Variants in ENTPD4 observed in about 807,000 individuals in gnomAD.
The protein encoded by ENTPD4 is ectonucleoside triphosphate diphosphohydrolase 4.
ENTPD4 carries 60 observed loss-of-function variants against 79.1 expected under a neutral mutation model. The ratio of observed to expected loss-of-function variants is 0.76; its 90% CI spans 0.62 to 0.94. The LOEUF (loss-of-function observed/expected upper bound fraction) is 0.94, where lower values mean the gene tolerates loss of function less well. ENTPD4 is among the 40% of genes least tolerant of loss of function. ENTPD4 has a pLI of 0.00. For synonymous variants in ENTPD4, 276 were observed against 292.0 expected, an observed-to-expected ratio of 0.95 and a Z score of 0.56; for missense variants, 772 against 775.1, an observed-to-expected ratio of 1.00 and a Z score of 0.05.
chr8:23,438,293 G>A (rs1045612546), intron 9 of ENTPD4, among the ~76,000 whole-genome samples: 5 of 152,178 alleles, frequency 3.3e-5, no homozygotes, highest in African/African-American at 1.2e-4. Flanking sequence ...ATTCATCACC[G>A]ACAGTCAAGT....
intron 1 of ENTPD4, among the ~76,000 whole-genome samples, chr8:23,451,111 T>C (rs1800853409): frequency 6.7e-6 from 1 of 150,096 alleles, no homozygotes; most frequent in African/African-American, 2.5e-5. Flanking sequence ...TGCAACCTCC[T>C]CCCAGGTTAA....
At chr8:23,443,365 T>C (rs909192357) in intron 6 of ENTPD4, among the ~76,000 whole-genome samples, 2 of 152,216 alleles carry the variant, frequency 1.3e-5, no homozygotes, top group Non-Finnish European at 2.9e-5. Context: ...AATGCTGAAA[T>C]GACAGACGGC....
chr8:23,431,606 C>A lies in ENTPD4; in HGVS notation c.*1320G>T, dbSNP rs976596969. On this transcript the variant is annotated 3_prime_UTR_variant, in exon 13 of 13. Coordinates refer to ENST00000358689, the MANE Select transcript of ENTPD4 (RefSeq NM_004901.5). ...ACAGTGGTGCTGCCAGCAACAGCCT[C>A]AGTCAATGCGGTTAGGAAGAGGACT... 59 of 985,292 alleles carry A rather than the reference C, an allele frequency of 6.0e-5. No homozygotes were observed. In the Admixed American group the frequency reaches 1.1e-3, roughly 18 times the overall value. 61.0% of individuals were successfully genotyped at this position (985,292 alleles called of 1,614,324 possible). A position where few individuals can be genotyped will look rare whatever the true frequency, so the allele number is the denominator to read the frequency against.
intron 9 of ENTPD4, 127 bp from the exon 10 acceptor site, chr8:23,437,385 A>C: frequency 1.5e-6 from 1 of 664,112 alleles, no homozygotes; most frequent in South Asian, 2.1e-5. Flanking sequence ...GTGTCTGTGG[A>C]ACAGAAAAGG....
Position 23,431,761 on chromosome 8 carries a change from T to C in ENTPD4, c.*1165A>G. 1.0e-6 allele frequency: 1 copy of C among 985,404 alleles called. No individual in the cohort carries two copies. Among genetic ancestry groups the C allele is most frequent in the African/African-American group, 1.7e-5 (1 of 57,334 alleles). 61.0% of individuals were successfully genotyped at this position (985,404 alleles called of 1,614,324 possible). A position where few individuals can be genotyped will look rare whatever the true frequency, so the allele number is the denominator to read the frequency against. On this transcript the variant is annotated 3_prime_UTR_variant, in exon 13 of 13. Transcript: ENST00000358689. Reference sequence around the variant, plus strand: ...ACGATTAAGCAGAAACACTGAGGAATACTGAGCAAGAAGTGGGCATGTGCT... The same window carrying C: ...ACGATTAAGCAGAAACACTGAGGAACACTGAGCAAGAAGTGGGCATGTGCT...
rs947609879 is a variant in ENTPD4, at chr8:23,437,092, T to C, written c.1216A>G (p.Thr406Ala). The change falls in exon 10 of 13, where the codon ACA (threonine) becomes GCA (alanine). Residue 406 changes from threonine to alanine, a missense_variant. Thr to Ala is a moderately conservative substitution (Grantham distance 58). Coordinates refer to ENST00000358689, the MANE Select transcript of ENTPD4 (RefSeq NM_004901.5). ...TTGAGGGAAGTCTGGGTCTCGTTTG[T>C]TTTATTCATGAAAGGCTGGATAGTC... The part of the protein sequence containing the change: ...RETIQPFMNK[T>A]NETQTSLNGV... The C allele has an allele frequency of 6.2e-7, 1 of 1,614,244 alleles. No individual in the cohort carries two copies. The highest frequency in any genetic ancestry group is 8.5e-7 in the Non-Finnish European group (1 of 1,180,044).
chr8:23,453,932 G>A (rs768416433), intron 1 of ENTPD4, among the ~76,000 whole-genome samples: 3 of 152,212 alleles, frequency 2.0e-5, no homozygotes, highest in Non-Finnish European at 2.9e-5. Flanking sequence ...TAAAGGTGAT[G>A]ACATAGATCT....
Position 23,430,095 on chromosome 8 carries a change from G to A in ENTPD4, c.*2831C>T, listed in dbSNP as rs1273873334. The stretch of plus-strand genomic sequence containing the variant: ...TTACTGCCTTCTTGGTCAGCTCTTG[G>A]TATGAATTCTTCTCTTGAATTAAGA... On this transcript the variant is annotated 3_prime_UTR_variant, in exon 13 of 13. Transcript: ENST00000358689. The A allele has an allele frequency of 1.5e-5, 15 of 985,424 alleles. No individual in the cohort carries two copies. Among genetic ancestry groups the A allele is most frequent in the Non-Finnish European group, 1.6e-5 (13 of 829,940 alleles). 61.0% of individuals were successfully genotyped at this position (985,424 alleles called of 1,614,324 possible).
intron 3 of ENTPD4, 83 bp from the exon 4 acceptor site, chr8:23,447,968 G>A (rs1800792636): frequency 9.0e-7 from 1 of 1,107,152 alleles, no homozygotes; most frequent in Non-Finnish European, 1.4e-6. Flanking sequence ...CAAATACCAA[G>A]TCAGTAATTT....
chr8:23,432,117 A>T lies in ENTPD4; in HGVS notation c.*809T>A. The T allele has an allele frequency of 1.0e-6, 1 of 984,992 alleles. No homozygotes were observed. The highest frequency in any genetic ancestry group is 1.2e-6 in the Non-Finnish European group (1 of 829,530). 61.0% of individuals were successfully genotyped at this position (984,992 alleles called of 1,614,324 possible). Reference sequence around the variant, plus strand: ...TGTTTTGGATATAAATGGTTTAAAAAATTTAAATTTGCAAAGAAAACATAT... The same window carrying T: ...TGTTTTGGATATAAATGGTTTAAAATATTTAAATTTGCAAAGAAAACATAT... On this transcript the variant is annotated 3_prime_UTR_variant, in exon 13 of 13. Transcript: ENST00000358689.
chr8:23,452,492 T>G (rs1410986191), intron 1 of ENTPD4, among the ~76,000 whole-genome samples: 2 of 152,176 alleles, frequency 1.3e-5, no homozygotes, highest in African/African-American at 4.8e-5. Flanking sequence ...GTGTGGTTAT[T>G]TAAAGTAATT....
Position 23,444,545 on chromosome 8 carries a change from G to T in ENTPD4, c.474C>A (p.Asn158Lys), listed in dbSNP as rs1800732057. The T allele has an allele frequency of 1.9e-6, 3 of 1,614,162 alleles. No individual in the cohort carries two copies. Among genetic ancestry groups the T allele is most frequent in the Non-Finnish European group, 2.5e-6 (3 of 1,179,990 alleles). ...KVSDYISPLL[N>K]FAAEHVPRAK... ...CCCGTGGCACATGCTCTGCAGCAAA[G>T]TTCAAAAGTGGAGAAATGTAATCAC... Residue 158 changes from asparagine to lysine, a missense_variant, in exon 5 of 13, where the codon AAC becomes AAA. By Grantham distance (94) the Asn-to-Lys change is moderately conservative. Transcript: ENST00000358689.
intron 1 of ENTPD4, among the ~76,000 whole-genome samples, chr8:23,456,659 T>C (rs1006309163): frequency 5.1e-4 from 78 of 152,220 alleles, no homozygotes; most frequent in African/African-American, 1.8e-3. Context: ...TAGTGTTCCA[T>C]TTTATAATTC....
At position 23,432,744 on chromosome 8, in the gene ENTPD4, C is replaced by T. The variant is rs368575254; in HGVS notation, c.*182G>A. On this transcript the variant is annotated 3_prime_UTR_variant, in exon 13 of 13. Coordinates refer to ENST00000358689, the MANE Select transcript of ENTPD4 (RefSeq NM_004901.5). ...CGATCTCCTGACCTCATGATCCGCC[C>T]GCCTCGGCCTCCCAAAGTGCTGGGA... The T allele has an allele frequency of 5.6e-5, 75 of 1,327,492 alleles. No individual in the cohort carries two copies. Among genetic ancestry groups the T allele is most frequent in the African/African-American group, 2.8e-4 (19 of 67,402 alleles). 82.2% of individuals were successfully genotyped at this position (1,327,492 alleles called of 1,614,324 possible).
Position 23,439,599 on chromosome 8 carries a change from T to C in ENTPD4, c.1049+150A>G, listed in dbSNP as rs1056807350. 1.5e-5 allele frequency: 11 copies of C among 734,090 alleles called. No homozygotes were observed. The Admixed American group carries it at 1.9e-4, about 12-fold the overall frequency. The allele number at this position is 734,090 out of a possible 1,614,324, so 45.5% of individuals were successfully genotyped here. A position where few individuals can be genotyped will look rare whatever the true frequency, so the allele number is the denominator to read the frequency against. On this transcript the variant is annotated intron_variant, in intron 9 of 12. Coordinates refer to ENST00000358689, the MANE Select transcript of ENTPD4 (RefSeq NM_004901.5). ...GGCAGGACCCTGGTGTGCTTTCATC[T>C]CTTCTCCCTGCTCAGCTAGTGGGGG...
At position 23,434,461 on chromosome 8, in the gene ENTPD4, G is replaced by T; in HGVS notation, c.1478C>A (p.Ser493Ter). The change falls in exon 12 of 13, where the codon TCG becomes TAG. Residue 493 changes from serine (S) to a stop codon, truncating the protein, a stop_gained. Coordinates refer to ENST00000358689, the MANE Select transcript of ENTPD4 (RefSeq NM_004901.5). LOFTEE classifies it high-confidence loss of function. ...LHRLKYQCFK[S>*]AWMFEVFHRG... The stretch of plus-strand genomic sequence containing the variant: ...ATGAAACACCTCAAACATCCAGGCC[G>T]ATTTGAAGCACTGATACCTACAAAC... 1 of 1,614,042 alleles carries T rather than the reference G, an allele frequency of 6.2e-7. No individual in the cohort carries two copies. The highest frequency in any genetic ancestry group is 8.5e-7 in the Non-Finnish European group (1 of 1,180,012).
chr8:23,445,677 T>C (rs1473738088), intron 4 of ENTPD4, among the ~76,000 whole-genome samples: 1 of 152,226 alleles, frequency 6.6e-6, no homozygotes, highest in African/African-American at 2.4e-5. Flanking sequence ...TTACTTCCTT[T>C]TGCTAGATGT....
At chr8:23,438,133 G>A (rs1425043015) in intron 9 of ENTPD4, among the ~76,000 whole-genome samples, 1 of 152,172 alleles carries the variant, frequency 6.6e-6, no homozygotes, top group Admixed American at 6.5e-5. Flanking sequence ...GTTAACATCT[G>A]TCATCCTATT....
Position 23,430,288 on chromosome 8 carries a change from G to C in ENTPD4, c.*2638C>G, listed in dbSNP as rs1439995423. On this transcript the variant is annotated 3_prime_UTR_variant, in exon 13 of 13. Coordinates refer to ENST00000358689, the MANE Select transcript of ENTPD4 (RefSeq NM_004901.5). Reference sequence around the variant, plus strand: ...TCTCTTTTTAAACAATTTTGGGTGAGGGGCAGGTTTCTTGGTTTGTTTCAA... The same window carrying C: ...TCTCTTTTTAAACAATTTTGGGTGACGGGCAGGTTTCTTGGTTTGTTTCAA... The C allele has an allele frequency of 1.2e-5, 12 of 985,414 alleles. No individual in the cohort carries two copies. The South Asian group carries it at 4.7e-4, about 39-fold the overall frequency. The allele number at this position is 985,414 out of a possible 1,614,324, so 61.0% of individuals were successfully genotyped here. A position where few individuals can be genotyped will look rare whatever the true frequency, so the allele number is the denominator to read the frequency against.
Sources: allele counts gnomAD v4.1 joint callset (sites outside exome capture counted in the v4.1 genomes callset), GRCh38; gene constraint gnomAD v4.1.1; transcripts MANE v1.5; gene names NCBI Gene and HGNC (gene_info 2026-07-23, HGNC 2026-07-21).